The following UGT1A5 variants were observed in gnomAD, a reference collection of about 807,000 sequenced individuals.
UGT1A5 encodes the protein UDP-glucuronosyltransferase 1A5.
Under a neutral mutation model 40.3 loss-of-function variants are expected in UGT1A5, and 29 were observed. That is an observed-to-expected ratio of 0.72 (90% CI 0.54 to 0.98). The LOEUF (loss-of-function observed/expected upper bound fraction) is 0.98. Among genes scored for constraint, UGT1A5 ranks in the 50% least tolerant of loss-of-function variants. The probability of loss-of-function intolerance (pLI) is 0.00; values close to 1 mark genes in which losing one functional copy is unlikely to be tolerated. For synonymous variants in UGT1A5, 257 were observed against 262.5 expected, an observed-to-expected ratio of 0.98 and a Z score of 0.20; for missense variants, 678 against 677.9, an observed-to-expected ratio of 1.00 and a Z score of 0.00.
intron 3 of UGT1A5, 63 bp downstream of exon 3, chr2:233,767,999 A>G: frequency 6.2e-7 from 1 of 1,614,190 alleles, no homozygotes; most frequent in Non-Finnish European, 8.5e-7. Context: ...TGGCTTAAGC[A>G]CAGCTATTCT....
rs28900383 is a variant in UGT1A5, at chr2:233,748,795, A to T, written c.868-18239A>T. Among the ~76,000 whole-genome samples the T allele has an allele frequency of 9.8e-3, 1,488 of 151,368 alleles. 50 individuals are homozygous for T. The highest frequency in any genetic ancestry group is 0.035 in the African/African-American group (1,419 of 40,884). ...ATTGGGTCTTCTACTTGGAATGCTGAAATTATCAAGAAATTGTGGAAGGGT... is the reference window on the plus strand; with the variant it reads ...ATTGGGTCTTCTACTTGGAATGCTGTAATTATCAAGAAATTGTGGAAGGGT... On this transcript the variant is annotated intron_variant, in intron 1 of 4. Transcript: ENST00000373414.
Position 233,757,136 on chromosome 2 carries a change from G to A in UGT1A5, c.868-9898G>A, listed in dbSNP as rs10929302. Among the ~76,000 whole-genome samples, 45,076 of 150,450 alleles carry A rather than the reference G, an allele frequency of 0.3. 6,849 individuals carry two copies. The highest frequency in any genetic ancestry group is 0.39 in the South Asian group (1,811 of 4,692). ...AGGGCTAGAGAGGAGGAATGAGCTT[G>A]GACAGGTGGGCTGGGGTCTATCCCA... On this transcript the variant is annotated intron_variant, in intron 1 of 4. Transcript: ENST00000373414.
At position 233,769,460 on chromosome 2, in the gene UGT1A5, TATGC is replaced by T. The variant is rs1219729658; in HGVS notation, c.1307+1022_1307+1025del. ...GTGTGGGTGCACACGTGTGCATTCA[TATGC>T]GTGTGTGTGTGTGTGCGTGTGTTTA... On this transcript the variant is annotated intron_variant, in intron 4 of 4. Coordinates refer to ENST00000373414, the MANE Select transcript of UGT1A5 (RefSeq NM_019078.2). The surrounding 1 kb of genome is among the most constrained non-coding windows in gnomAD (Gnocchi z 4.4). 1.1e-5 allele frequency: 17 copies of T among 1,601,706 alleles called. No homozygotes were observed. Among genetic ancestry groups the T allele is most frequent in the Non-Finnish European group, 1.3e-5 (15 of 1,170,686 alleles).
intron 1 of UGT1A5, chr2:233,729,871 C>T: frequency 6.2e-7 from 1 of 1,613,870 alleles, no homozygotes; most frequent in Non-Finnish European, 8.5e-7. Flanking sequence ...GGTGGATATT[C>T]TCAGTCATGC....
intron 1 of UGT1A5, among the ~76,000 whole-genome samples, chr2:233,749,893 C>T (rs141027223): frequency 6.6e-6 from 1 of 151,938 alleles, no homozygotes; most frequent in African/African-American, 2.4e-5. Context: ...GAGGCTCCCC[C>T]CTCCAGCCAC....
chr2:233,736,824 CTT>C (rs2078816334), intron 1 of UGT1A5, among the ~76,000 whole-genome samples: 1 of 152,316 alleles, frequency 6.6e-6, no homozygotes, highest in South Asian at 2.1e-4. Context: ...TCCAGATGCT[CTT>C]TGCTTTGGTA....
chr2:233,743,704 C>G, intron 1 of UGT1A5: 2 of 1,367,360 alleles, frequency 1.5e-6, no homozygotes, highest in Non-Finnish European at 2.0e-6. Context: ...CCTCCGCCCC[C>G]GCCTCGCCAT....
chr2:233,756,036 T>G (rs1696097976), intron 1 of UGT1A5: 1 of 152,224 alleles, frequency 6.6e-6, no homozygotes, highest in Non-Finnish European at 1.5e-5. Context: ...CCATGTAGCT[T>G]CTGGAAAACT....
chr2:233,751,718 G>C (rs144416943), intron 1 of UGT1A5, among the ~76,000 whole-genome samples: 1 of 152,136 alleles, frequency 6.6e-6, no homozygotes, highest in Non-Finnish European at 1.5e-5. Flanking sequence ...TCACTCACAA[G>C]TGAACTCTTC....
chr2:233,721,629 A>T (rs923769431), intron 1 of UGT1A5: 2 of 200,638 alleles, frequency 1.0e-5, no homozygotes, highest in East Asian at 1.5e-4. Context: ...ATCAGTAAAG[A>T]TCATCTTGAA....
chr2:233,738,490 C>T (rs927376982), intron 1 of UGT1A5, among the ~76,000 whole-genome samples: 34 of 152,308 alleles, frequency 2.2e-4, no homozygotes, highest in Middle Eastern at 6.8e-3. Flanking sequence ...ACTTGTTGAA[C>T]GGTTTTGACC....
rs541267003 is a variant in UGT1A5, at chr2:233,744,012, G to T, written c.868-23022G>T. 67 of 1,089,588 alleles carry T rather than the reference G, an allele frequency of 6.1e-5. 1 individual carries two copies. Among genetic ancestry groups the T allele is most frequent in the Non-Finnish European group, 7.2e-5 (60 of 828,198 alleles). The allele number at this position is 1,089,588 out of a possible 1,614,324, so 67.5% of individuals were successfully genotyped here. ...GCCCGAGTGCTCGGAGACCTGGGCC[G>T]CCTGGAGAGACGCCCCTTATGACGC... On this transcript the variant is annotated intron_variant, in intron 1 of 4. Transcript: ENST00000373414.
chr2:233,747,841 G>C (rs1575686388), intron 1 of UGT1A5: 1 of 1,613,504 alleles, frequency 6.2e-7, no homozygotes, highest in East Asian at 2.2e-5. Flanking sequence ...TTCCTGCAAA[G>C]GGTCAAGAAC....
At chr2:233,725,886 G>T (rs2077481662) in intron 1 of UGT1A5, among the ~76,000 whole-genome samples, 1 of 152,018 alleles carries the variant, frequency 6.6e-6, no homozygotes, top group Admixed American at 6.6e-5. Context: ...ATGATTTGTA[G>T]GCAGGTGGGT....
rs762751427 is a variant in UGT1A5 at position 233,729,397 on chromosome 2, C to G, written c.867+15539C>G. ...TTCGTGGACCCAGGATGAATTTGAT[C>G]GCCATGTGCTGGGCCACACTCAACT... On this transcript the variant is annotated intron_variant, in intron 1 of 4. Coordinates refer to ENST00000373414, the MANE Select transcript of UGT1A5 (RefSeq NM_019078.2). 2 of 1,613,656 alleles carry G rather than the reference C, an allele frequency of 1.2e-6. No homozygotes were observed. Among genetic ancestry groups the G allele is most frequent in the Non-Finnish European group, 8.5e-7 (1 of 1,179,714 alleles).
chr2:233,740,931 T>C (rs1341633178), intron 1 of UGT1A5: 1 of 151,798 alleles, frequency 6.6e-6, no homozygotes, highest in Non-Finnish European at 1.5e-5. Context: ...CAAAAAGTTT[T>C]TTTTTTAATT....
At chr2:233,718,794 A>T (rs2076686034) in intron 1 of UGT1A5, 2 of 1,613,190 alleles carry the variant, frequency 1.2e-6, no homozygotes, top group Non-Finnish European at 1.7e-6. Flanking sequence ...TGGGGTGGAC[A>T]GTCAGCTGTC....
chr2:233,742,782 C>G lies in UGT1A5; in HGVS notation c.868-24252C>G, dbSNP rs76952857. ...ATAATAAATGCATGTTGTTTTGAACCATCATTAAATTAAGCCAGAAGTATT... is the reference window on the plus strand; with the variant it reads ...ATAATAAATGCATGTTGTTTTGAACGATCATTAAATTAAGCCAGAAGTATT... On this transcript the variant is annotated intron_variant, in intron 1 of 4. Coordinates refer to ENST00000373414, the MANE Select transcript of UGT1A5 (RefSeq NM_019078.2). 2.0e-5 allele frequency: 3 copies of G among 152,908 alleles called. No individual in the cohort carries two copies. In the East Asian group the frequency reaches 5.8e-4, roughly 29 times the overall value. 9.5% of individuals were successfully genotyped at this position (152,908 alleles called of 1,614,324 possible). A position where few individuals can be genotyped will look rare whatever the true frequency, so the allele number is the denominator to read the frequency against.
chr2:233,719,636 C>G (rs1397748790), intron 1 of UGT1A5: 2 of 1,614,094 alleles, frequency 1.2e-6, no homozygotes, highest in Non-Finnish European at 1.7e-6. Context: ...TCATGCCCAA[C>G]ATGGTCTTCA....
Sources: gnomAD v4.1 joint callset for allele counts (sites outside exome capture counted in the v4.1 genomes callset) on GRCh38, gnomAD v4.1.1 for gene constraint, Gnocchi (gnomAD v3.1) non-coding constraint, MANE v1.5 for transcripts, NCBI Gene and HGNC (gene_info 2026-07-23, HGNC 2026-07-21) for gene names.